Variants in CSMD1 observed in about 807,000 individuals in gnomAD.
CSMD1 encodes CUB and Sushi multiple domains 1.
Under a neutral mutation model 417.5 loss-of-function variants are expected in CSMD1, and 213 were observed. That is an observed-to-expected ratio of 0.51 (90% CI 0.46 to 0.57). CSMD1 has a LOEUF of 0.57. Ranked by LOEUF, CSMD1 falls within the 20% of genes least tolerant of loss-of-function variation. The pLI is 0.00. For synonymous variants in CSMD1, 2,862 were observed against 1,736.8 expected, an observed-to-expected ratio of 1.65 and a Z score of -16.11; for missense variants, 6,923 against 4,529.7, an observed-to-expected ratio of 1.53 and a Z score of -15.17.
At chr8:4,485,101 G>T (rs1801308284) in intron 2 of CSMD1, among the ~76,000 whole-genome samples, 1 of 150,496 alleles carries the variant, frequency 6.6e-6, no homozygotes, top group African/African-American at 2.4e-5. Flanking sequence ...CTGAGAGAGG[G>T]TCTGTATTCA....
chr8:4,328,112 C>T (rs996083414), intron 3 of CSMD1, among the ~76,000 whole-genome samples: 2 of 152,160 alleles, frequency 1.3e-5, no homozygotes, highest in Non-Finnish European at 2.9e-5. Context: ...AAACAAGTCA[C>T]TATGTCCATT....
chr8:3,838,951 T>A (rs796326257), intron 5 of CSMD1, among the ~76,000 whole-genome samples: 1 of 111,112 alleles, frequency 9.0e-6, no homozygotes, highest in East Asian at 2.3e-4. Flanking sequence ...AAAAAATTAA[T>A]ATCTATAAAT....
intron 10 of CSMD1, among the ~76,000 whole-genome samples, chr8:3,499,900 G>A (rs549610114): frequency 2.2e-4 from 33 of 152,206 alleles, no homozygotes; most frequent in African/African-American, 6.3e-4. Context: ...GAGGCCCAGA[G>A]AACAAGAGAG....
At chr8:3,172,448 C>T (rs796779303) in intron 37 of CSMD1, among the ~76,000 whole-genome samples, 2 of 152,164 alleles carry the variant, frequency 1.3e-5, no homozygotes, top group South Asian at 4.1e-4. Flanking sequence ...CTTCAAGGTG[C>T]TTATCATAAC....
intron 7 of CSMD1, among the ~76,000 whole-genome samples, chr8:3,667,982 C>T (rs114540261): frequency 6.6e-6 from 1 of 152,126 alleles, no homozygotes; most frequent in Non-Finnish European, 1.5e-5. Flanking sequence ...GAGCCCCAAT[C>T]CCGATCAATA....
intron 1 of CSMD1, among the ~76,000 whole-genome samples, chr8:4,914,292 T>A (rs1161989200): frequency 6.6e-6 from 1 of 152,006 alleles, no homozygotes; most frequent in Non-Finnish European, 1.5e-5. Context: ...AATTGGAAGA[T>A]AGGGCCGGGT....
intron 1 of CSMD1, among the ~76,000 whole-genome samples, chr8:4,762,591 C>G (rs972737386): frequency 2.6e-5 from 4 of 152,100 alleles, no homozygotes; most frequent in African/African-American, 7.2e-5. Context: ...AGAACCAGTG[C>G]ATCCCTCTGA....
intron 2 of CSMD1, among the ~76,000 whole-genome samples, chr8:4,550,329 GCA>G (rs35196172): frequency 0.27 from 37,417 of 138,962 alleles, 4,653 homozygotes; most frequent in African/African-American, 0.33. Flanking sequence ...ATACACACAC[GCA>G]CACACACACA....
intron 38 of CSMD1, among the ~76,000 whole-genome samples, chr8:3,159,575 A>C (rs1305592812): frequency 2.0e-5 from 3 of 152,226 alleles, no homozygotes; most frequent in Non-Finnish European, 4.4e-5. Context: ...TGTTGTTCCA[A>C]ATATATTAAA....
intron 2 of CSMD1, among the ~76,000 whole-genome samples, chr8:4,446,755 CTGTGTGTGTGTGTGTGTGTGTGTGTGTG>C (rs58002310): frequency 3.8e-5 from 5 of 132,950 alleles, no homozygotes; most frequent in African/African-American, 1.4e-4. Context: ...GTGTGTGTGT[CTGTGTGTGTGTGTGTGTGTGTGTGTGTG>C]TGTGTGTGTG....
At chr8:3,825,161 G>C (rs1190605627) in intron 5 of CSMD1, among the ~76,000 whole-genome samples, 1 of 152,100 alleles carries the variant, frequency 6.6e-6, no homozygotes, top group African/African-American at 2.4e-5. Context: ...CTCTTTCCCA[G>C]AAGCTGTAGG....
intron 3 of CSMD1, among the ~76,000 whole-genome samples, chr8:4,269,713 T>G (rs1180409116): frequency 6.6e-6 from 1 of 152,208 alleles, no homozygotes; most frequent in South Asian, 2.1e-4. Context: ...AACCAGCATC[T>G]GTTGAATTCT....
rs538943329 is a variant in CSMD1, at chr8:3,112,384, G to C, written c.6431-2049C>G. ...TTACATAACCACATTATATATAGTA[G>C]CACCCTTCCTGTTGGGAAAACAAAA... On this transcript the variant is annotated intron_variant, in intron 42 of 69. Transcript: ENST00000635120. Among the ~76,000 whole-genome samples, 213 of 152,190 alleles carry C rather than the reference G, an allele frequency of 1.4e-3. 1 individual carries two copies. Among genetic ancestry groups the C allele is most frequent in the African/African-American group, 5.0e-3 (207 of 41,498 alleles).
intron 3 of CSMD1, among the ~76,000 whole-genome samples, chr8:4,109,421 G>A (rs1347444002): frequency 6.6e-6 from 1 of 152,120 alleles, no homozygotes; most frequent in Non-Finnish European, 1.5e-5. Flanking sequence ...TAATCACGGT[G>A]AAAGTTTCAT....
chr8:4,210,235 C>T (rs965998770), intron 3 of CSMD1, among the ~76,000 whole-genome samples: 6 of 152,200 alleles, frequency 3.9e-5, no homozygotes, highest in Non-Finnish European at 5.9e-5. Context: ...ATGACTTTCT[C>T]ACAGGAGGGG....
At position 4,821,128 on chromosome 8, in the gene CSMD1, G is replaced by A. The variant is rs527713700; in HGVS notation, c.85+173204C>T. On this transcript the variant is annotated intron_variant, in intron 1 of 69. Coordinates refer to ENST00000635120, the MANE Select transcript of CSMD1 (RefSeq NM_033225.6). The stretch of plus-strand genomic sequence containing the variant: ...ATACTTAAGATCTCGGTTGTATCAG[G>A]CAAGACGCCGAAACTTCTCTGAGTC... Among the ~76,000 whole-genome samples, 8 of 152,230 alleles carry A rather than the reference G, an allele frequency of 5.3e-5. No homozygotes were observed. In the South Asian group the frequency reaches 1.7e-3, roughly 32 times the overall value.
At chr8:4,336,210 G>A (rs182268037) in intron 3 of CSMD1, among the ~76,000 whole-genome samples, 1 of 152,296 alleles carries the variant, frequency 6.6e-6, no homozygotes, top group East Asian at 1.9e-4. Context: ...AATGCAGGTA[G>A]TATGAATGCA....
At chr8:3,720,855 A>C (rs1483942342) in intron 6 of CSMD1, among the ~76,000 whole-genome samples, 1 of 151,946 alleles carries the variant, frequency 6.6e-6, no homozygotes, top group Non-Finnish European at 1.5e-5. Flanking sequence ...TCTGTTGCCC[A>C]GGTTGAAGTG....
At chr8:3,825,174 A>T (rs546106823) in intron 5 of CSMD1, among the ~76,000 whole-genome samples, 197 of 152,152 alleles carry the variant, frequency 1.3e-3, no homozygotes, top group African/African-American at 4.3e-3. Context: ...GCTGTAGGTG[A>T]GGGTTTAGCG....
Sources: allele counts gnomAD v4.1 joint callset (sites outside exome capture counted in the v4.1 genomes callset), GRCh38; gene constraint gnomAD v4.1.1; transcripts MANE v1.5; gene names NCBI Gene and HGNC (gene_info 2026-07-23, HGNC 2026-07-21).